Variants in WWOX observed in about 807,000 individuals in gnomAD.
WWOX encodes the protein WW domain-containing oxidoreductase.
In WWOX, 69 loss-of-function variants were observed where a neutral mutation model predicts 46.2. The observed-to-expected ratio is 1.49, with a 90% confidence interval of 1.23 to 1.82. The LOEUF is 1.82. Ranked by LOEUF, WWOX falls within the 40% of genes most tolerant of loss-of-function variation. WWOX has a pLI of 0.00. For synonymous variants in WWOX, 359 were observed against 202.6 expected (o/e 1.77, Z -6.56); for missense variants, 919 against 542.6 (o/e 1.69, Z -6.89).
intron 8 of WWOX, among the ~76,000 whole-genome samples, chr16:78,773,024 C>A (rs998009674): frequency 1.3e-5 from 2 of 151,988 alleles, no homozygotes; most frequent in Non-Finnish European, 2.9e-5. Context: ...GTTTTGCAGA[C>A]CTTGTCTCCA....
intron 8 of WWOX, among the ~76,000 whole-genome samples, chr16:78,763,381 G>C (rs1000007576): frequency 2.0e-5 from 3 of 152,178 alleles, no homozygotes; most frequent in African/African-American, 7.2e-5. Flanking sequence ...TGTTCATCCA[G>C]AACTCATTGA....
chr16:79,211,852 A>T lies in WWOX; in HGVS notation c.*56A>T. Reference sequence around the variant, plus strand: ...CCGCCCTGTGTGTGTCCCCTCACGCAAGTGCCAGGGCTGGGCCCCTTCCAA... The same window carrying T: ...CCGCCCTGTGTGTGTCCCCTCACGCTAGTGCCAGGGCTGGGCCCCTTCCAA... On this transcript the variant is annotated 3_prime_UTR_variant, in exon 9 of 9. Coordinates refer to ENST00000566780, the MANE Select transcript of WWOX (RefSeq NM_016373.4). The T allele has an allele frequency of 6.2e-7, 1 of 1,608,358 alleles. No individual in the cohort carries two copies. The highest frequency in any genetic ancestry group is 8.5e-7 in the Non-Finnish European group (1 of 1,178,012).
intron 8 of WWOX, among the ~76,000 whole-genome samples, chr16:78,694,323 C>T (rs996944059): frequency 6.6e-6 from 1 of 152,202 alleles, no homozygotes; most frequent in East Asian, 1.9e-4. Context: ...TGTCTACAAG[C>T]TGCGACCATG....
intron 6 of WWOX, among the ~76,000 whole-genome samples, chr16:78,422,705 A>G (rs1291965780): frequency 8.2e-6 from 1 of 122,160 alleles, no homozygotes; most frequent in South Asian, 2.8e-4. Flanking sequence ...ACACACATAT[A>G]TATATACACA....
intron 8 of WWOX, among the ~76,000 whole-genome samples, chr16:78,974,283 G>A (rs898994466): frequency 2.0e-5 from 3 of 152,092 alleles, no homozygotes; most frequent in African/African-American, 7.2e-5. Flanking sequence ...ACAAAGCAAA[G>A]CAGTTAAATG....
At position 78,518,627 on chromosome 16, in the gene WWOX, C is replaced by T. The variant is rs374054811; in HGVS notation, c.1056+85875C>T. Among the ~76,000 whole-genome samples the T allele has an allele frequency of 2.0e-4, 31 of 152,308 alleles. No homozygotes were observed. The East Asian group carries it at 3.5e-3, about 17-fold the overall frequency. On this transcript the variant is annotated intron_variant, in intron 8 of 8. Coordinates refer to ENST00000566780, the MANE Select transcript of WWOX (RefSeq NM_016373.4). ...TTTTAGCCTTAGCAACATGTATTTA[C>T]TGGGCATCTAGATTTCATTTATTTA...
At chr16:78,433,398 C>G (rs1182695331) in intron 8 of WWOX, among the ~76,000 whole-genome samples, 1 of 152,136 alleles carries the variant, frequency 6.6e-6, no homozygotes, top group Non-Finnish European at 1.5e-5. Flanking sequence ...TAAGAACCTT[C>G]TTCTATGAAA....
chr16:78,931,340 C>T (rs898319946), intron 8 of WWOX, among the ~76,000 whole-genome samples: 3 of 152,100 alleles, frequency 2.0e-5, no homozygotes, highest in Non-Finnish European at 4.4e-5. Flanking sequence ...TCTTTGGAGA[C>T]TGAAAGGCTG....
intron 8 of WWOX, among the ~76,000 whole-genome samples, chr16:78,774,029 A>G (rs2050128070): frequency 6.6e-6 from 1 of 152,190 alleles, no homozygotes; most frequent in Non-Finnish European, 1.5e-5. Context: ...TGGTGTCCAC[A>G]CATCAACTTA....
At chr16:78,686,968 T>A (rs1030710782) in intron 8 of WWOX, among the ~76,000 whole-genome samples, 58 of 152,254 alleles carry the variant, frequency 3.8e-4, no homozygotes, top group African/African-American at 1.4e-3. Flanking sequence ...GCAAGTTAAG[T>A]GGAACATCAC....
chr16:79,004,412 G>A (rs916468657), intron 8 of WWOX: 1 of 152,220 alleles, frequency 6.6e-6, no homozygotes, highest in African/African-American at 2.4e-5. Flanking sequence ...TGGAGTGGAG[G>A]AACAGAGCCG....
At chr16:79,114,942 T>C (rs549749441) in intron 8 of WWOX, among the ~76,000 whole-genome samples, 1 of 152,300 alleles carries the variant, frequency 6.6e-6, no homozygotes, top group African/African-American at 2.4e-5. Flanking sequence ...GACTAAATTA[T>C]ATACATCTCA....
chr16:78,692,760 C>T (rs879256675), intron 8 of WWOX, among the ~76,000 whole-genome samples: 4 of 152,124 alleles, frequency 2.6e-5, no homozygotes, highest in African/African-American at 7.2e-5. Flanking sequence ...GTATGAGTGG[C>T]CCCAGGTTTC....
chr16:79,178,948 G>C (rs2050856211), intron 8 of WWOX, among the ~76,000 whole-genome samples: 2 of 152,154 alleles, frequency 1.3e-5, no homozygotes, highest in Non-Finnish European at 2.9e-5. Context: ...TGACTATGCA[G>C]GACCTTCTAG....
At chr16:78,583,282 C>T (rs576249615) in intron 8 of WWOX, among the ~76,000 whole-genome samples, 24 of 152,250 alleles carry the variant, frequency 1.6e-4, no homozygotes, top group East Asian at 1.4e-3. Flanking sequence ...TCTTGGCCCT[C>T]CTTAGAGTGA....
intron 8 of WWOX, among the ~76,000 whole-genome samples, chr16:78,866,658 C>T (rs2044010506): frequency 6.6e-6 from 1 of 152,104 alleles, no homozygotes; most frequent in East Asian, 1.9e-4. Flanking sequence ...TTTTTGTTGC[C>T]CTGGCTTGCA....
chr16:79,052,386 T>A (rs1380696299), intron 8 of WWOX, among the ~76,000 whole-genome samples: 1 of 152,250 alleles, frequency 6.6e-6, no homozygotes, highest in Non-Finnish European at 1.5e-5. Flanking sequence ...TTTTTATGGC[T>A]GCATAGTATT....
chr16:78,803,095 A>T (rs1044432526), intron 8 of WWOX, among the ~76,000 whole-genome samples: 1 of 151,804 alleles, frequency 6.6e-6, no homozygotes, highest in African/African-American at 2.4e-5. Context: ...TCTTGGAATC[A>T]GTCATAGTTT....
chr16:79,127,008 CTT>C (rs1440981000), intron 8 of WWOX, among the ~76,000 whole-genome samples: 2 of 151,558 alleles, frequency 1.3e-5, no homozygotes, highest in East Asian at 3.9e-4. Flanking sequence ...TTTTTTTAAA[CTT>C]ATTTCTTTAA....
Sources: gnomAD v4.1 joint callset for allele counts (sites outside exome capture counted in the v4.1 genomes callset) on GRCh38, gnomAD v4.1.1 for gene constraint, MANE v1.5 for transcripts, NCBI Gene and HGNC (gene_info 2026-07-23, HGNC 2026-07-21) for gene names.